Variants in IST1 observed in about 807,000 individuals in gnomAD.
IST1 encodes the protein IST1 factor associated with ESCRT-III.
Under a neutral mutation model 37.0 loss-of-function variants are expected in IST1, and 23 were observed. That is an observed-to-expected ratio of 0.62 (90% CI 0.45 to 0.88). IST1 has a LOEUF of 0.88. IST1 is among the 40% of genes least tolerant of loss of function. The pLI is 0.00. For missense variants in IST1, 488 were observed against 445.4 expected (o/e 1.10, Z -0.86); for synonymous variants, 180 against 161.7 (o/e 1.11, Z -0.86).
At chr16:71,907,039 A>G (rs1486063388) in intron 1 of IST1, among the ~76,000 whole-genome samples, 3 of 151,986 alleles carry the variant, frequency 2.0e-5, no homozygotes, top group Non-Finnish European at 4.4e-5. Flanking sequence ...CAAAAAAAAA[A>G]TTGTCTTTGG....
intron 7 of IST1, among the ~76,000 whole-genome samples, 158 bp from the exon 8 acceptor site, chr16:71,923,130 A>ACCACATGTGGTCCTT (rs1260906428): frequency 2.0e-5 from 3 of 152,088 alleles, no homozygotes; most frequent in Admixed American, 2.0e-4. Context: ...TGGAATCCTG[A>ACCACATGTGGTCCTT]CCACATGTGG....
chr16:71,912,529 G>T (rs1214281826), intron 1 of IST1, among the ~76,000 whole-genome samples: 1 of 152,156 alleles, frequency 6.6e-6, no homozygotes, highest in Non-Finnish European at 1.5e-5. Flanking sequence ...GAGCCACCGC[G>T]CCCGGCCTAA....
chr16:71,895,772 G>C (rs1315846498), intron 1 of IST1, among the ~76,000 whole-genome samples, 183 bp downstream of exon 1: 1 of 152,234 alleles, frequency 6.6e-6, no homozygotes, highest in East Asian at 1.9e-4. Context: ...TCGAGGGCCC[G>C]CGGCGCAGGA....
chr16:71,920,371 C>G (rs1453396857), intron 4 of IST1, among the ~76,000 whole-genome samples: 1 of 152,130 alleles, frequency 6.6e-6, no homozygotes, highest in Non-Finnish European at 1.5e-5. Context: ...GGAAGTTAGT[C>G]TTTTAAAAGA....
chr16:71,925,251 G>C (rs1363011400), intron 9 of IST1, among the ~76,000 whole-genome samples: 1 of 151,346 alleles, frequency 6.6e-6, no homozygotes, highest in Non-Finnish European at 1.5e-5. Context: ...CTGACCTTGT[G>C]AGATCCGCCT....
chr16:71,898,370 G>GAAA (rs57871135), intron 1 of IST1, among the ~76,000 whole-genome samples: 8 of 100,830 alleles, frequency 7.9e-5, no homozygotes, highest in South Asian at 6.7e-4. Context: ...CTCTCTCTCA[G>GAAA]AAAAAAAAAA....
At chr16:71,900,878 A>G (rs1366438399) in intron 1 of IST1, among the ~76,000 whole-genome samples, 1 of 152,220 alleles carries the variant, frequency 6.6e-6, no homozygotes, top group Admixed American at 6.5e-5. Context: ...GCTTAATAGA[A>G]TAGCACTCAA....
At chr16:71,922,986 A>C in intron 7 of IST1, 1 of 487,340 alleles carries the variant, frequency 2.1e-6, no homozygotes, top group South Asian at 2.5e-5. Flanking sequence ...ACCACCAATT[A>C]TTACCAGGCA....
intron 1 of IST1, among the ~76,000 whole-genome samples, chr16:71,906,479 T>G (rs1210756503): frequency 6.6e-6 from 1 of 151,396 alleles, no homozygotes; most frequent in African/African-American, 2.4e-5. Context: ...AGCTAATTTT[T>G]TGTATTTTTT....
intron 3 of IST1, 133 bp downstream of exon 3, chr16:71,916,775 TAAAAA>T (rs2037476768): frequency 2.6e-6 from 2 of 778,244 alleles, no homozygotes; most frequent in Admixed American, 6.0e-5. Flanking sequence ...AAAGGCCTGT[TAAAAA>T]GAAAATACAG....
intron 1 of IST1, among the ~76,000 whole-genome samples, chr16:71,909,095 C>CTTTT (rs34086105): frequency 0.2 from 20,724 of 102,032 alleles, 2,043 homozygotes; most frequent in East Asian, 0.47. Context: ...TTTTGTTTGT[C>CTTTT]TTTTTTTTTT....
At chr16:71,909,708 C>T (rs2037309110) in intron 1 of IST1, among the ~76,000 whole-genome samples, 1 of 152,170 alleles carries the variant, frequency 6.6e-6, no homozygotes, top group South Asian at 2.1e-4. Context: ...AACATGTTCA[C>T]TTCTAGGATT....
chr16:71,920,369 G>A (rs570720992), intron 4 of IST1, among the ~76,000 whole-genome samples: 1 of 152,278 alleles, frequency 6.6e-6, no homozygotes, highest in East Asian at 1.9e-4. Flanking sequence ...AAGGAAGTTA[G>A]TCTTTTAAAA....
chr16:71,924,042 C>A (rs1240004442), intron 8 of IST1: 1 of 446,300 alleles, frequency 2.2e-6, no homozygotes, highest in African/African-American at 2.0e-5. Context: ...GGAAGATCTT[C>A]CTGTTCCTGA....
At chr16:71,923,541 T>C (rs542776107) in intron 8 of IST1, 161 bp downstream of exon 8, 2 of 469,148 alleles carry the variant, frequency 4.3e-6, no homozygotes, top group Non-Finnish European at 7.6e-6. Context: ...ACCCTGGAAA[T>C]GTGGAGTGGG....
chr16:71,898,994 T>A (rs908797459), intron 1 of IST1, among the ~76,000 whole-genome samples: 7 of 151,028 alleles, frequency 4.6e-5, no homozygotes, highest in Non-Finnish European at 1.5e-5. Context: ...GAAACACTCT[T>A]GGTAAAAGAC....
At position 71,930,030 on chromosome 16, in the gene IST1, A is replaced by G; in HGVS notation, c.*2217A>G. ...TTTCCCAGTGATATAACAGCATGCTAGTTTATCTTTTAGTTACCTACCTTA... is the reference window on the plus strand; with the variant it reads ...TTTCCCAGTGATATAACAGCATGCTGGTTTATCTTTTAGTTACCTACCTTA... On this transcript the variant is annotated 3_prime_UTR_variant, in exon 10 of 10. Transcript: ENST00000378799. 7 of 1,542,298 alleles carry G rather than the reference A, an allele frequency of 4.5e-6. No homozygotes were observed. Among genetic ancestry groups the G allele is most frequent in the Middle Eastern group, 1.7e-4 (1 of 5,936 alleles).
intron 1 of IST1, among the ~76,000 whole-genome samples, chr16:71,911,663 A>T (rs952277116): frequency 3.3e-5 from 5 of 150,774 alleles, no homozygotes; most frequent in African/African-American, 1.2e-4. Flanking sequence ...TCCCCTCTGT[A>T]TACATGTGAA....
chr16:71,923,639 A>G, intron 8 of IST1: 1 of 336,500 alleles, frequency 3.0e-6, no homozygotes, highest in Non-Finnish European at 5.5e-6. Context: ...AGAAAGTTGT[A>G]GTGCTCTATG....
Sources: gnomAD v4.1 joint callset for allele counts (sites outside exome capture counted in the v4.1 genomes callset) on GRCh38, gnomAD v4.1.1 for gene constraint, MANE v1.5 for transcripts, NCBI Gene and HGNC (gene_info 2026-07-23, HGNC 2026-07-21) for gene names.